DAB1: variants seen among roughly 807,000 people sequenced by gnomAD.
The protein encoded by DAB1 is DAB adaptor protein 1.
A neutral mutation model predicts 64.6 loss-of-function variants in DAB1; 15 were observed. The ratio of observed to expected loss-of-function variants is 0.23; its 90% CI spans 0.16 to 0.36. The LOEUF is 0.36. DAB1 is among the 10% of genes least tolerant of loss of function. The pLI, the probability that DAB1 is intolerant of heterozygous loss-of-function variation, is 1.00. For synonymous variants in DAB1, 235 were observed against 251.9 expected (o/e 0.93, Z 0.64); for missense variants, 596 against 706.7 (o/e 0.84, Z 1.78).
rs898355905 is a variant in DAB1 at position 57,421,542 on chromosome 1, A to G, written c.-137+2388T>C. On this transcript the variant is annotated intron_variant, in intron 1 of 14. Transcript: ENST00000371236. ...TGGTCACAACATATTTGCACTTCCC[A>G]CTTCGGCCTCTTTTCTCATCCCTGC... Among the ~76,000 whole-genome samples the G allele has an allele frequency of 1.4e-4, 22 of 152,186 alleles. No individual in the cohort carries two copies. The East Asian group carries it at 4.3e-3, about 29-fold the overall frequency.
intron 7 of DAB1, among the ~76,000 whole-genome samples, chr1:57,618,076 C>T (rs1022402018): frequency 6.6e-6 from 1 of 152,154 alleles, no homozygotes; most frequent in Non-Finnish European, 1.5e-5. Context: ...ATAAAAGATG[C>T]ACCCTCTCTG....
At chr1:58,497,779 G>C (rs1024331231) in intron 3 of DAB1, among the ~76,000 whole-genome samples, 4 of 152,114 alleles carry the variant, frequency 2.6e-5, no homozygotes, top group African/African-American at 7.2e-5. Flanking sequence ...CCTTACCCTT[G>C]CTCACTGCTT....
chr1:57,565,843 C>T (rs1645113574), intron 7 of DAB1, among the ~76,000 whole-genome samples: 2 of 152,120 alleles, frequency 1.3e-5, no homozygotes, highest in Admixed American at 1.3e-4. Flanking sequence ...TTTAACACCC[C>T]ACTGTCAACA....
At chr1:57,985,006 T>G (rs781283050) in intron 5 of DAB1, among the ~76,000 whole-genome samples, 13 of 152,154 alleles carry the variant, frequency 8.5e-5, no homozygotes, top group Middle Eastern at 3.2e-3. Context: ...CCTCCCAGGT[T>G]CAGGTGATTC....
chr1:57,739,492 G>T (rs370952954), intron 6 of DAB1, among the ~76,000 whole-genome samples: 28 of 54,116 alleles, frequency 5.2e-4, no homozygotes, highest in African/African-American at 1.8e-3. Flanking sequence ...CTCGCCCCAG[G>T]CTGGAGTGCA....
intron 2 of DAB1, among the ~76,000 whole-genome samples, chr1:57,238,771 T>G (rs188345842): frequency 6.6e-6 from 1 of 151,694 alleles, no homozygotes; most frequent in East Asian, 2.0e-4. Context: ...TCTATAGTAC[T>G]GGGCAGAAAT....
chr1:57,131,286 C>T (rs1657632710), intron 4 of DAB1, among the ~76,000 whole-genome samples: 1 of 152,164 alleles, frequency 6.6e-6, no homozygotes, highest in Non-Finnish European at 1.5e-5. Context: ...ATTTAACCTA[C>T]CTGTACCTTA....
intron 3 of DAB1, among the ~76,000 whole-genome samples, chr1:58,443,328 AT>A: frequency 6.6e-6 from 1 of 152,372 alleles, no homozygotes; most frequent in African/African-American, 2.4e-5. Context: ...TAAATAGTTA[AT>A]GTAACAAAAG....
chr1:57,610,961 C>T (rs1442370603), intron 7 of DAB1, among the ~76,000 whole-genome samples: 1 of 152,114 alleles, frequency 6.6e-6, no homozygotes, highest in Non-Finnish European at 1.5e-5. Flanking sequence ...ACCCAGGGTT[C>T]TAGTTACTTC....
In DAB1 at chr1:57,031,694, G is replaced by A. The variant is rs931973142; in HGVS notation, c.724-5651C>T. Among the ~76,000 whole-genome samples, 6 of 152,230 alleles carry A rather than the reference G, an allele frequency of 3.9e-5. No homozygotes were observed. The East Asian group carries it at 5.8e-4, about 15-fold the overall frequency. On this transcript the variant is annotated intron_variant, in intron 9 of 14. Coordinates refer to ENST00000371236, the MANE Select transcript of DAB1 (RefSeq NM_001365792.1). ...CCTTAGTTAGCCTTGCTAAATAGTG[G>A]AAGTCCAGCTCTACAACATTCTCTA... is the stretch of plus-strand genomic sequence containing the variant.
chr1:58,452,197 G>A (rs1374441724), intron 3 of DAB1, among the ~76,000 whole-genome samples: 1 of 151,784 alleles, frequency 6.6e-6, no homozygotes, highest in Non-Finnish European at 1.5e-5. Flanking sequence ...GCCTTCCAAA[G>A]TGCTAGGATT....
intron 4 of DAB1, among the ~76,000 whole-genome samples, chr1:57,124,918 G>T (rs1342046013): frequency 6.6e-6 from 1 of 152,138 alleles, no homozygotes; most frequent in Non-Finnish European, 1.5e-5. Context: ...TCAGTGCTCA[G>T]AATGCCTGTC....
chr1:57,418,220 C>T (rs1219767890), intron 1 of DAB1, among the ~76,000 whole-genome samples: 2 of 152,172 alleles, frequency 1.3e-5, no homozygotes, highest in Admixed American at 6.5e-5. Context: ...GAATGTTCTT[C>T]CTCAATTTCC....
At chr1:57,528,788 G>C (rs202247463) in intron 7 of DAB1, among the ~76,000 whole-genome samples, 6 of 139,162 alleles carry the variant, frequency 4.3e-5, no homozygotes. Flanking sequence ...AAGATGAAAA[G>C]GCCTGTCAAT....
At chr1:57,754,610 A>G (rs1456047289) in intron 6 of DAB1, among the ~76,000 whole-genome samples, 1 of 152,162 alleles carries the variant, frequency 6.6e-6, no homozygotes, top group Non-Finnish European at 1.5e-5. Context: ...CGCTTGAAAA[A>G]AAACGGGAGG....
At position 58,096,698 on chromosome 1, in the gene DAB1, G is replaced by T. The variant is rs74857510; in HGVS notation, n.387+53813C>A. Reference sequence around the variant, plus strand: ...ATAAGGAAACTAAGAAGAAAGTGTGGTTTCCAAACATTCCCCAAGTTACCA... The same window carrying T: ...ATAAGGAAACTAAGAAGAAAGTGTGTTTTCCAAACATTCCCCAAGTTACCA... On this transcript the variant is annotated intron_variant and non_coding_transcript_variant, in intron 5 of 20. Coordinates refer to the DAB1 transcript ENST00000485760. Among the ~76,000 whole-genome samples, 613 of 152,338 alleles carry T rather than the reference G, an allele frequency of 4.0e-3. 4 individuals are homozygous for T. Among genetic ancestry groups the T allele is most frequent in the African/African-American group, 0.014 (593 of 41,576 alleles).
chr1:58,473,916 G>T, intron 3 of DAB1: 7 of 1,145,094 alleles, frequency 6.1e-6, no homozygotes, highest in Non-Finnish European at 8.3e-6. Context: ...GCTGTTGAGC[G>T]TTAACTCTGC....
At chr1:58,288,019 CAAAAAAAAAAAAA>C (rs763850453) in intron 4 of DAB1, among the ~76,000 whole-genome samples, 3 of 21,980 alleles carry the variant, frequency 1.4e-4, no homozygotes, top group African/African-American at 2.1e-4. Context: ...AAGACTGCCT[CAAAAAAAAAAAAA>C]AAAAAAAAAA....
chr1:57,311,210 T>C (rs1025271835), intron 1 of DAB1, among the ~76,000 whole-genome samples: 6 of 152,078 alleles, frequency 3.9e-5, no homozygotes, highest in Admixed American at 3.9e-4. Context: ...TCTAATGACA[T>C]AGTGGGCTAG....
Sources: allele counts gnomAD v4.1 joint callset (sites outside exome capture counted in the v4.1 genomes callset), GRCh38; gene constraint gnomAD v4.1.1; transcripts MANE v1.5; gene names NCBI Gene and HGNC (gene_info 2026-07-23, HGNC 2026-07-21).